Variants in DST observed in about 807,000 individuals in gnomAD.
DST encodes bullous pemphigoid antigen.
DST carries 253 observed loss-of-function variants against 875.2 expected under a neutral mutation model. That is an observed-to-expected ratio of 0.29 (90% CI 0.26 to 0.32). The LOEUF (loss-of-function observed/expected upper bound fraction) is 0.32, where lower values mean the gene tolerates loss of function less well. Among genes scored for constraint, DST ranks in the 10% least tolerant of loss-of-function variants. The pLI is 1.00. For missense variants in DST, 8,287 were observed against 9,111.6 expected (o/e 0.91, Z 3.68); for synonymous variants, 3,124 against 3,197.1 (o/e 0.98, Z 0.77).
At chr6:56,508,008 G>A (rs2096378399) in intron 75 of DST, among the ~76,000 whole-genome samples, 1 of 152,068 alleles carries the variant, frequency 6.6e-6, no homozygotes, top group Non-Finnish European at 1.5e-5. Context: ...TGAGGATAAA[G>A]AGAAATTTTT....
intron 3 of DST, among the ~76,000 whole-genome samples, chr6:56,862,486 A>G (rs570962875): frequency 3.9e-5 from 6 of 152,178 alleles, no homozygotes; most frequent in African/African-American, 1.4e-4. Context: ...AGGCGTCTGG[A>G]AAGCAGGTGG....
intron 4 of DST, among the ~76,000 whole-genome samples, chr6:56,834,325 G>A (rs1429428348): frequency 6.6e-6 from 1 of 152,102 alleles, no homozygotes; most frequent in Non-Finnish European, 1.5e-5. Context: ...CCAGCCAGGT[G>A]CGGTGGCTCA....
chr6:56,628,270 C>T, intron 32 of DST, 109 bp from the exon 33 acceptor site: 1 of 965,796 alleles, frequency 1.0e-6, no homozygotes, highest in East Asian at 2.5e-5. Context: ...GAACTAAGCA[C>T]AAGACGGGTA....
intron 4 of DST, among the ~76,000 whole-genome samples, chr6:56,753,285 T>C (rs904737548): frequency 7.3e-5 from 11 of 151,548 alleles, no homozygotes; most frequent in Non-Finnish European, 1.6e-4. Context: ...AAGCTGGGAG[T>C]CTATCAGGAA....
chr6:56,787,592 T>C (rs2099707646), intron 4 of DST, among the ~76,000 whole-genome samples: 5 of 152,188 alleles, frequency 3.3e-5, no homozygotes, highest in Admixed American at 3.3e-4. Context: ...AAAAATAATA[T>C]GTAGACTTCT....
At chr6:56,865,722 C>G (rs1439999637) in intron 3 of DST, among the ~76,000 whole-genome samples, 1 of 152,106 alleles carries the variant, frequency 6.6e-6, no homozygotes, top group Non-Finnish European at 1.5e-5. Flanking sequence ...GATGGCGTTA[C>G]CTTCTCACCT....
intron 49 of DST, among the ~76,000 whole-genome samples, chr6:56,586,185 T>C (rs542898436): frequency 0.013 from 1,907 of 151,754 alleles, 37 homozygotes; most frequent in African/African-American, 0.044. Flanking sequence ...TGTCTAATGT[T>C]GACAGTGGGG....
chr6:56,692,050 T>C (rs1456692512), intron 9 of DST, among the ~76,000 whole-genome samples: 1 of 152,172 alleles, frequency 6.6e-6, no homozygotes, highest in Non-Finnish European at 1.5e-5. Flanking sequence ...ACAGTCCAAC[T>C]AAGCTTCCAC....
Position 56,604,568 on chromosome 6 carries a change from C to T in DST, c.10060G>A (p.Asp3354Asn), listed in dbSNP as rs777995386. The T allele has an allele frequency of 1.2e-6, 2 of 1,611,966 alleles. No individual in the cohort carries two copies. Among genetic ancestry groups the T allele is most frequent in the Non-Finnish European group, 1.7e-6 (2 of 1,178,962 alleles). Residue 3354 changes from aspartate to asparagine, a missense_variant, in exon 40 of 104, where the codon GAT becomes AAT. Coordinates refer to ENST00000680361, the MANE Select transcript of DST (RefSeq NM_001374736.1). ...IPELSQVFVE[D>N]VKDILKSRLK... The stretch of plus-strand genomic sequence containing the variant: ...CTGCTTTTTAAGATATCCTTTACAT[C>T]CTCCACAAATACCTGAGACAATTCA...
intron 61 of DST, chr6:56,541,495 G>C (rs2097126073): frequency 6.6e-6 from 1 of 152,510 alleles, no homozygotes; most frequent in Non-Finnish European, 1.5e-5. Flanking sequence ...CGATATTTAG[G>C]TCCTCCTCTT....
intron 69 of DST, among the ~76,000 whole-genome samples, chr6:56,518,062 C>T (rs185615495): frequency 6.6e-6 from 1 of 152,062 alleles, no homozygotes; most frequent in African/African-American, 2.4e-5. Flanking sequence ...ATAGAATATC[C>T]CCATTTATTT....
chr6:56,699,580 C>T (rs2099283591), intron 9 of DST, 73 bp downstream of exon 9: 3 of 671,572 alleles, frequency 4.5e-6, no homozygotes, highest in African/African-American at 3.8e-5. Flanking sequence ...AACATGAATG[C>T]ATCATTCACC....
chr6:56,463,137 C>G lies in DST; in HGVS notation c.22979G>C (p.Arg7660Pro), dbSNP rs746310021. 6.2e-7 allele frequency: 1 copy of G among 1,610,760 alleles called. No individual in the cohort carries two copies. The highest frequency in any genetic ancestry group is 1.7e-5 in the Admixed American group (1 of 59,944). Residue 7660 changes from arginine (R) to proline (P), a missense_variant, in exon 102 of 104, where the codon CGC becomes CCC. Physicochemically the swap from Arg to Pro is moderately radical, Grantham distance 103. This residue lies in a region of DST where 240 missense variants were observed against 237.3 expected (regional missense o/e 1.01). Coordinates refer to ENST00000680361, the MANE Select transcript of DST (RefSeq NM_001374736.1). ...TTPKILHPLT[R>P]NYGKPWLTNS... is the part of the protein sequence containing the mutation. The stretch of plus-strand genomic sequence containing the variant: ...TGTCAACCATGGTTTACCATAATTG[C>G]GTGTTAAAGGATGGAGAATCTGTAT...
intron 55 of DST, among the ~76,000 whole-genome samples, chr6:56,567,442 A>G (rs2097698382): frequency 6.6e-6 from 1 of 151,794 alleles, no homozygotes; most frequent in Admixed American, 6.6e-5. Context: ...AAAAAAAAAA[A>G]AAAAAATCCC....
At chr6:56,941,118 C>G (rs1045041483) in intron 2 of DST, among the ~76,000 whole-genome samples, 1 of 152,168 alleles carries the variant, frequency 6.6e-6, no homozygotes, top group Non-Finnish European at 1.5e-5. Flanking sequence ...TCTCCAACTT[C>G]TCAAGGTTGA....
chr6:56,620,176 T>TTTA, intron 36 of DST: 1 of 1,613,614 alleles, frequency 6.2e-7, no homozygotes, highest in Non-Finnish European at 8.5e-7. Context: ...GCTTCAAGAG[T>TTTA]TCTTCCTCAT....
chr6:56,798,149 T>C (rs1271189543), intron 4 of DST, among the ~76,000 whole-genome samples: 1 of 152,174 alleles, frequency 6.6e-6, no homozygotes, highest in African/African-American at 2.4e-5. Flanking sequence ...TGAAGGTGAA[T>C]CTAAGCAACA....
intron 4 of DST, among the ~76,000 whole-genome samples, chr6:56,837,299 T>A (rs1340028505): frequency 6.6e-6 from 1 of 152,192 alleles, no homozygotes; most frequent in Admixed American, 6.5e-5. Context: ...ATTTCAAACT[T>A]TTTTGGACAT....
chr6:56,550,780 T>C (rs1269177439), intron 61 of DST, among the ~76,000 whole-genome samples: 1 of 152,348 alleles, frequency 6.6e-6, no homozygotes, highest in East Asian at 1.9e-4. Flanking sequence ...GCTTGGTTAC[T>C]GTCATTTAAT....
Sources: gnomAD v4.1 joint callset for allele counts (sites outside exome capture counted in the v4.1 genomes callset) on GRCh38, gnomAD v4.1.1 for gene constraint, gnomAD v4.1.1 regional missense constraint, MANE v1.5 for transcripts, NCBI Gene and HGNC (gene_info 2026-07-23, HGNC 2026-07-21) for gene names.